The following PTPRN2 variants were observed in gnomAD, a reference collection of about 807,000 sequenced individuals.
PTPRN2 encodes the protein receptor-type tyrosine-protein phosphatase N2.
In PTPRN2, 74 loss-of-function variants were observed where a neutral mutation model predicts 118.8. That is an observed-to-expected ratio of 0.62 (90% CI 0.52 to 0.76). The LOEUF is 0.76. Ranked by LOEUF, PTPRN2 falls within the 30% of genes least tolerant of loss-of-function variation. The pLI, the probability that PTPRN2 is intolerant of heterozygous loss-of-function variation, is 0.00. For synonymous variants in PTPRN2, 641 were observed against 608.0 expected, an observed-to-expected ratio of 1.05 and a Z score of -0.80; for missense variants, 1,481 against 1,394.4, an observed-to-expected ratio of 1.06 and a Z score of -0.99.
At chr7:158,251,649 T>C (rs905803488) in intron 3 of PTPRN2, among the ~76,000 whole-genome samples, 61 of 122,228 alleles carry the variant, frequency 5.0e-4, no homozygotes, top group Non-Finnish European at 7.1e-4. Flanking sequence ...GCACATGTGG[T>C]GTGCACAGGT....
intron 10 of PTPRN2, among the ~76,000 whole-genome samples, chr7:158,096,900 G>A (rs1203775107): frequency 6.6e-6 from 1 of 152,192 alleles, no homozygotes; most frequent in African/African-American, 2.4e-5. Context: ...CTCACTGCGG[G>A]GGCTCTTGGC....
At chr7:158,219,492 A>T (rs969113993) in intron 3 of PTPRN2, among the ~76,000 whole-genome samples, 1 of 152,032 alleles carries the variant, frequency 6.6e-6, no homozygotes, top group Non-Finnish European at 1.5e-5. Flanking sequence ...ACAACATAAC[A>T]TTACACCTGG....
At chr7:158,197,304 A>G (rs1008709314) in intron 4 of PTPRN2, among the ~76,000 whole-genome samples, 2 of 152,184 alleles carry the variant, frequency 1.3e-5, no homozygotes, top group Non-Finnish European at 2.9e-5. Context: ...GTACTTGTAT[A>G]TGGGTCTTTA....
intron 12 of PTPRN2, among the ~76,000 whole-genome samples, chr7:157,859,804 G>A (rs1584891267): frequency 2.4e-5 from 3 of 126,540 alleles, no homozygotes; most frequent in South Asian, 6.0e-4. Flanking sequence ...CTCCTGCAGG[G>A]AGAGTCCCCC....
chr7:158,167,397 G>A lies in PTPRN2; in HGVS notation c.550-106C>T. ...GTTTTCAAGGTCCTAAACAGCCCTG[G>A]GGGTACAAAGATGCCCTTCGGTCTC... On this transcript the variant is annotated intron_variant, in intron 5 of 22. Coordinates refer to ENST00000389418, the MANE Select transcript of PTPRN2 (RefSeq NM_002847.5). 7 of 1,399,088 alleles carry A rather than the reference G, an allele frequency of 5.0e-6. No individual in the cohort carries two copies. The South Asian group carries it at 8.8e-5, about 17-fold the overall frequency. 86.7% of individuals were successfully genotyped at this position (1,399,088 alleles called of 1,614,324 possible).
chr7:158,298,680 G>T (rs780447678), intron 3 of PTPRN2, among the ~76,000 whole-genome samples: 1 of 152,302 alleles, frequency 6.6e-6, no homozygotes, highest in Non-Finnish European at 1.5e-5. Flanking sequence ...GGAGGAGGGC[G>T]CAAGGGCCCA....
At chr7:157,865,221 G>T (rs1341877749) in intron 12 of PTPRN2, 1 of 152,468 alleles carries the variant, frequency 6.6e-6, no homozygotes. Context: ...GGTGGCCCCT[G>T]AGGGGCTGCA....
intron 2 of PTPRN2, among the ~76,000 whole-genome samples, chr7:158,450,961 A>G (rs1384131039): frequency 6.6e-6 from 1 of 152,198 alleles, no homozygotes; most frequent in Non-Finnish European, 1.5e-5. Flanking sequence ...GAGGTTGTGT[A>G]TCACAGCCAG....
intron 3 of PTPRN2, among the ~76,000 whole-genome samples, chr7:158,206,861 GGTTA>G (rs1202072097): frequency 2.7e-5 from 4 of 150,354 alleles, no homozygotes; most frequent in Admixed American, 6.6e-5. Context: ...ACATTGTACA[GGTTA>G]GTTACATACG....
intron 15 of PTPRN2, among the ~76,000 whole-genome samples, chr7:157,606,009 T>C (rs1238369605): frequency 6.6e-6 from 1 of 151,976 alleles, no homozygotes; most frequent in Non-Finnish European, 1.5e-5. Context: ...AGGCTGTTTG[T>C]GCCAAGGGGC....
intron 22 of PTPRN2, among the ~76,000 whole-genome samples, chr7:157,546,341 G>A (rs887989159): frequency 6.6e-6 from 1 of 152,198 alleles, no homozygotes; most frequent in Admixed American, 6.5e-5. Flanking sequence ...ATAGGTAAAC[G>A]TATGCCATGG....
intron 12 of PTPRN2, among the ~76,000 whole-genome samples, chr7:157,733,083 T>TTG (rs200006761): frequency 7.2e-5 from 2 of 27,730 alleles, no homozygotes; most frequent in Non-Finnish European, 7.1e-5. Context: ...CAGTTACTCT[T>TTG]CCGTCCCATG....
rs1031809777 is a variant in PTPRN2, at chr7:158,570,661, C to T, written c.112+16897G>A. Among the ~76,000 whole-genome samples the T allele has an allele frequency of 2.0e-5, 3 of 152,180 alleles. No homozygotes were observed. The highest frequency in any genetic ancestry group is 7.2e-5 in the African/African-American group (3 of 41,446). ...CCGGCTTGCTGCGGCGTGTCTCCGC[C>T]GTAACACGTGTATACCGGCTCAGCA... is the stretch of plus-strand genomic sequence containing the variant. On this transcript the variant is annotated intron_variant, in intron 1 of 22. Coordinates refer to ENST00000389418, the MANE Select transcript of PTPRN2 (RefSeq NM_002847.5). This position sits in a 1 kb window ranked among gnomAD's most constrained non-coding sequence, Gnocchi z 4.5.
At chr7:158,180,216 C>T (rs1333928034) in intron 5 of PTPRN2, among the ~76,000 whole-genome samples, 1 of 152,224 alleles carries the variant, frequency 6.6e-6, no homozygotes, top group African/African-American at 2.4e-5. Context: ...TTACCAAAAC[C>T]ATTTATCAAA....
intron 3 of PTPRN2, among the ~76,000 whole-genome samples, chr7:158,262,301 ACATT>A (rs1269288242): frequency 2.0e-5 from 3 of 151,734 alleles, no homozygotes; most frequent in Non-Finnish European, 4.4e-5. Flanking sequence ...CACCGCACAC[ACATT>A]CACACACTGC....
chr7:157,798,935 C>T (rs1563120889), intron 12 of PTPRN2, among the ~76,000 whole-genome samples: 2 of 152,212 alleles, frequency 1.3e-5, no homozygotes, highest in Non-Finnish European at 2.9e-5. Flanking sequence ...CCTCCAGTCC[C>T]TCTCCCAGGA....
rs551195499 is a variant in PTPRN2 at position 158,438,612 on chromosome 7, A to G, written c.163+51123T>C. 6.6e-6 allele frequency among the ~76,000 whole-genome samples: 1 copy of G among 152,310 alleles called. No individual in the cohort carries two copies. The highest frequency in any genetic ancestry group is 1.5e-5 in the Non-Finnish European group (1 of 68,024). On this transcript the variant is annotated intron_variant, in intron 2 of 22. Transcript: ENST00000389418. This position sits in a 1 kb window ranked among gnomAD's most constrained non-coding sequence, Gnocchi z 4.7. ...TCTGATCCGATGCAAACAGATCATT[A>G]TAGCCAAGAGAAGGTCAGTTCTGAT...
intron 2 of PTPRN2, among the ~76,000 whole-genome samples, chr7:158,379,346 T>C (rs1327549097): frequency 6.6e-6 from 1 of 151,698 alleles, no homozygotes; most frequent in African/African-American, 2.4e-5. Context: ...CCTTCATAGA[T>C]GGTGTCTGTT....
At chr7:158,271,114 A>G (rs1224881548) in intron 3 of PTPRN2, among the ~76,000 whole-genome samples, 15 of 135,610 alleles carry the variant, frequency 1.1e-4, no homozygotes, top group South Asian at 2.5e-4. Context: ...CTCCACCTGG[A>G]CCACCCCCTC....
Sources: gnomAD v4.1 joint callset for allele counts (sites outside exome capture counted in the v4.1 genomes callset) on GRCh38, gnomAD v4.1.1 for gene constraint, Gnocchi (gnomAD v3.1) non-coding constraint, MANE v1.5 for transcripts, NCBI Gene and HGNC (gene_info 2026-07-23, HGNC 2026-07-21) for gene names.